Variants in GALNTL6 observed in about 807,000 individuals in gnomAD.
GALNTL6 encodes the protein polypeptide N-acetylgalactosaminyltransferase like 6.
GALNTL6 carries 46 observed loss-of-function variants against 73.7 expected under a neutral mutation model. The ratio of observed to expected loss-of-function variants is 0.62; its 90% confidence interval spans 0.49 to 0.80. The LOEUF is 0.80. Among genes scored for constraint, GALNTL6 ranks in the 30% least tolerant of loss-of-function variants. The probability of loss-of-function intolerance (pLI) is 0.00; values close to 1 mark genes in which losing one functional copy is unlikely to be tolerated. For missense variants in GALNTL6, 604 were observed against 755.0 expected, an observed-to-expected ratio of 0.80 and a Z score of 2.34; for synonymous variants, 259 against 263.7, an observed-to-expected ratio of 0.98 and a Z score of 0.17.
intron 7 of GALNTL6, among the ~76,000 whole-genome samples, chr4:172,872,139 C>A (rs1034563994): frequency 6.6e-6 from 1 of 152,146 alleles, no homozygotes; most frequent in Non-Finnish European, 1.5e-5. Context: ...TTTGGGGATT[C>A]ATTTCTGCTA....
rs201289507 is a variant in GALNTL6, at chr4:172,015,228, A to G, written c.138+200510A>G. On this transcript the variant is annotated intron_variant, in intron 2 of 12. Transcript: ENST00000506823. Reference sequence around the variant, plus strand: ...AGTAGCAATTGCTTTGTAAATTTGGAAGCTGTGGTGTTAGATGTATATATG... The same window carrying G: ...AGTAGCAATTGCTTTGTAAATTTGGGAGCTGTGGTGTTAGATGTATATATG... Among the ~76,000 whole-genome samples the G allele has an allele frequency of 2.6e-5, 4 of 151,920 alleles. No homozygotes were observed. In the East Asian group the frequency reaches 7.7e-4, roughly 29 times the overall value.
At chr4:172,014,910 A>C (rs879520331) in intron 2 of GALNTL6, among the ~76,000 whole-genome samples, 19 of 152,074 alleles carry the variant, frequency 1.2e-4, no homozygotes, top group Non-Finnish European at 2.6e-4. Flanking sequence ...GTGGTCTGAG[A>C]GGGTACTTGA....
intron 2 of GALNTL6, among the ~76,000 whole-genome samples, chr4:172,123,925 T>A (rs972692414): frequency 6.6e-6 from 1 of 152,322 alleles, no homozygotes; most frequent in East Asian, 1.9e-4. Context: ...GTTCTAAGAA[T>A]TTTTTATGTC....
chr4:172,309,078 G>GT (rs56918922), intron 3 of GALNTL6, among the ~76,000 whole-genome samples: 20 of 151,582 alleles, frequency 1.3e-4, no homozygotes, highest in African/African-American at 3.4e-4. Context: ...GATGAAATTT[G>GT]TTTTTTTTTG....
At chr4:172,986,479 C>G (rs776300573) in intron 10 of GALNTL6, among the ~76,000 whole-genome samples, 16 of 152,126 alleles carry the variant, frequency 1.1e-4, no homozygotes, top group Non-Finnish European at 2.1e-4. Flanking sequence ...CTCTGAGAAC[C>G]AATCAGACAT....
At chr4:172,093,511 C>A (rs1283317140) in intron 2 of GALNTL6, among the ~76,000 whole-genome samples, 1 of 151,952 alleles carries the variant, frequency 6.6e-6, no homozygotes, top group Non-Finnish European at 1.5e-5. Context: ...GTCTTCAAAC[C>A]CTGGGCCACA....
intron 2 of GALNTL6, 135 bp downstream of exon 2, chr4:171,814,853 T>C: frequency 1.7e-5 from 14 of 814,480 alleles, no homozygotes; most frequent in Non-Finnish European, 2.5e-5. Flanking sequence ...TACAAGACTC[T>C]AGAGACTTTG....
chr4:172,749,376 C>A (rs1422126214), intron 5 of GALNTL6, among the ~76,000 whole-genome samples: 1 of 151,962 alleles, frequency 6.6e-6, no homozygotes, highest in Non-Finnish European at 1.5e-5. Flanking sequence ...TGATATTTTT[C>A]ACTTAAAATT....
chr4:172,087,529 T>C (rs562612109), intron 2 of GALNTL6, among the ~76,000 whole-genome samples: 1 of 151,546 alleles, frequency 6.6e-6, no homozygotes, highest in Non-Finnish European at 1.5e-5. Context: ...TATATAGTAA[T>C]AATGTTCCGT....
Position 172,627,285 on chromosome 4 carries a change from G to C in GALNTL6, c.554-182076G>C, listed in dbSNP as rs933086974. Among the ~76,000 whole-genome samples, 6 of 152,126 alleles carry C rather than the reference G, an allele frequency of 3.9e-5. 1 individual carries two copies. The South Asian group carries it at 1.2e-3, about 32-fold the overall frequency. On this transcript the variant is annotated intron_variant, in intron 5 of 12. Transcript: ENST00000506823. ...TTTTGTTTTTAATTCTCTTTATGCA[G>C]TGATCACATTCATTGATTTGCATTT...
chr4:172,733,007 A>G (rs1736242949), intron 5 of GALNTL6, among the ~76,000 whole-genome samples: 1 of 152,036 alleles, frequency 6.6e-6, no homozygotes, highest in African/African-American at 2.4e-5. Context: ...ACAAATGCAT[A>G]CTCTGAGTTT....
intron 5 of GALNTL6, among the ~76,000 whole-genome samples, chr4:172,526,886 G>T (rs775356413): frequency 3.3e-5 from 5 of 151,526 alleles, no homozygotes; most frequent in Non-Finnish European, 5.9e-5. Context: ...TCATAAGCTG[G>T]CCTGACAAGG....
At chr4:172,366,472 T>C (rs770470103) in intron 5 of GALNTL6, among the ~76,000 whole-genome samples, 5 of 152,170 alleles carry the variant, frequency 3.3e-5, no homozygotes, top group Admixed American at 6.5e-5. Context: ...AAAATGGTAG[T>C]GCCATGTCAC....
chr4:172,565,118 A>T (rs923218406), intron 5 of GALNTL6, among the ~76,000 whole-genome samples: 1 of 152,174 alleles, frequency 6.6e-6, no homozygotes, highest in Non-Finnish European at 1.5e-5. Context: ...AATTCCTTTC[A>T]ACCTCTTTTA....
intron 5 of GALNTL6, among the ~76,000 whole-genome samples, chr4:172,734,019 T>C (rs1352996777): frequency 6.6e-6 from 1 of 152,130 alleles, no homozygotes; most frequent in African/African-American, 2.4e-5. Context: ...AAAATGTTGA[T>C]AGTGATATGG....
At chr4:172,997,990 T>C (rs2126470350) in intron 10 of GALNTL6, among the ~76,000 whole-genome samples, 1 of 152,350 alleles carries the variant, frequency 6.6e-6, no homozygotes, top group Non-Finnish European at 1.5e-5. Context: ...GGCCCTCTGA[T>C]AATATTTCTG....
Position 172,964,462 on chromosome 4 carries a change from C to T in GALNTL6, c.1371+12204C>T, listed in dbSNP as rs1412557299. 5.9e-5 allele frequency among the ~76,000 whole-genome samples: 9 copies of T among 152,252 alleles called. No individual in the cohort carries two copies. In the South Asian group the frequency reaches 6.2e-4, roughly 11 times the overall value. On this transcript the variant is annotated intron_variant, in intron 10 of 12. Coordinates refer to ENST00000506823, the MANE Select transcript of GALNTL6 (RefSeq NM_001034845.3). ...CTGGGTACATCCATTTGTCACCTTGCGATTGTGCAAACTTTTTAAAAAATC... is the reference window on the plus strand; with the variant it reads ...CTGGGTACATCCATTTGTCACCTTGTGATTGTGCAAACTTTTTAAAAAATC...
At chr4:172,492,858 G>C (rs956247537) in intron 5 of GALNTL6, among the ~76,000 whole-genome samples, 6 of 152,070 alleles carry the variant, frequency 3.9e-5, no homozygotes, top group African/African-American at 7.2e-5. Context: ...GGGGAAGTAC[G>C]TTTATCCCAG....
intron 2 of GALNTL6, among the ~76,000 whole-genome samples, chr4:172,031,709 A>G (rs896003641): frequency 6.6e-6 from 1 of 151,948 alleles, no homozygotes; most frequent in African/African-American, 2.4e-5. Context: ...CCTCAGCCTC[A>G]GTGTGAAGAT....
Sources: allele counts gnomAD v4.1 joint callset (sites outside exome capture counted in the v4.1 genomes callset), GRCh38; gene constraint gnomAD v4.1.1; transcripts MANE v1.5; gene names NCBI Gene and HGNC (gene_info 2026-07-23, HGNC 2026-07-21).